RSRC1: variants seen among roughly 807,000 people sequenced by gnomAD.
RSRC1 encodes arginine and serine rich coiled-coil 1.
In RSRC1, 39 loss-of-function variants were observed where a neutral mutation model predicts 49.1. That is an observed-to-expected ratio of 0.79 (90% confidence interval 0.61 to 1.04). The LOEUF (loss-of-function observed/expected upper bound fraction) is 1.04, where lower values mean the gene tolerates loss of function less well. Ranked by LOEUF, RSRC1 falls within the 50% of genes least tolerant of loss-of-function variation. The pLI, the probability that RSRC1 is intolerant of heterozygous loss-of-function variation, is 0.00. For missense variants in RSRC1, 388 were observed against 402.4 expected (o/e 0.96, Z 0.31); for synonymous variants, 143 against 130.8 (o/e 1.09, Z -0.63).
intron 4 of RSRC1, among the ~76,000 whole-genome samples, chr3:158,229,386 GTA>G (rs1382456752): frequency 2.3e-5 from 2 of 85,886 alleles, no homozygotes; most frequent in Admixed American, 1.1e-4. Flanking sequence ...GTATGTATGT[GTA>G]TATATATACA....
At chr3:158,337,346 A>C (rs1428724476) in intron 5 of RSRC1, among the ~76,000 whole-genome samples, 1 of 152,202 alleles carries the variant, frequency 6.6e-6, no homozygotes, top group African/African-American at 2.4e-5. Flanking sequence ...GTCCCACATC[A>C]GCATTTTAAT....
At chr3:158,283,144 A>G (rs1726278100) in intron 4 of RSRC1, among the ~76,000 whole-genome samples, 1 of 151,998 alleles carries the variant, frequency 6.6e-6, no homozygotes, top group African/African-American at 2.4e-5. Flanking sequence ...TATAAGGGTG[A>G]AAAAAAATGT....
intron 5 of RSRC1, among the ~76,000 whole-genome samples, chr3:158,333,533 T>G (rs188248012): frequency 3.3e-5 from 5 of 152,356 alleles, no homozygotes; most frequent in Non-Finnish European, 7.3e-5. Flanking sequence ...TTAGTGTGTA[T>G]TTTGAACACA....
chr3:158,325,464 A>G (rs1419779510), intron 5 of RSRC1, among the ~76,000 whole-genome samples: 2 of 152,212 alleles, frequency 1.3e-5, no homozygotes, highest in Non-Finnish European at 2.9e-5. Context: ...CAGTTTTCCC[A>G]GAACCATTTA....
chr3:158,367,306 T>G (rs1731821246), intron 6 of RSRC1, among the ~76,000 whole-genome samples: 2 of 152,218 alleles, frequency 1.3e-5, no homozygotes, highest in Admixed American at 1.3e-4. Context: ...TTGAGATACA[T>G]TCCATCAACA....
At chr3:158,461,617 G>T (rs1187454815) in intron 7 of RSRC1, among the ~76,000 whole-genome samples, 1 of 151,704 alleles carries the variant, frequency 6.6e-6, no homozygotes, top group East Asian at 1.9e-4. Context: ...CTTCACGGGG[G>T]ATTATATACA....
At chr3:158,253,092 A>C (rs1276306266) in intron 4 of RSRC1, among the ~76,000 whole-genome samples, 1 of 150,894 alleles carries the variant, frequency 6.6e-6, no homozygotes, top group Non-Finnish European at 1.5e-5. Flanking sequence ...TTTCTTCTCT[A>C]ATCTTATTTC....
At chr3:158,345,735 T>A (rs753571497) in intron 5 of RSRC1, among the ~76,000 whole-genome samples, 1 of 150,824 alleles carries the variant, frequency 6.6e-6, no homozygotes, top group African/African-American at 2.4e-5. Context: ...TGGATCATAA[T>A]TAGAGTCTAG....
chr3:158,257,587 A>T (rs1302092079), intron 4 of RSRC1, among the ~76,000 whole-genome samples: 4 of 151,980 alleles, frequency 2.6e-5, no homozygotes, highest in Admixed American at 1.3e-4. Flanking sequence ...TTTTCTATCC[A>T]TTCAGGCACT....
chr3:158,336,435 C>A, intron 5 of RSRC1: 1 of 155,362 alleles, frequency 6.4e-6, no homozygotes. Context: ...TCTTTGACCC[C>A]CAGCTCCAGA....
intron 3 of RSRC1, among the ~76,000 whole-genome samples, chr3:158,139,047 A>C (rs1240973304): frequency 1.3e-5 from 2 of 152,144 alleles, no homozygotes; most frequent in African/African-American, 2.4e-5. Flanking sequence ...TTTTCTAAAA[A>C]CACTGCTTAA....
At chr3:158,442,834 G>A (rs1736458071) in intron 6 of RSRC1, among the ~76,000 whole-genome samples, 1 of 152,014 alleles carries the variant, frequency 6.6e-6, no homozygotes, top group Non-Finnish European at 1.5e-5. Context: ...AGTAAGACTT[G>A]GAAGTCAATT....
At chr3:158,312,803 CT>C (rs1270981204) in intron 5 of RSRC1, among the ~76,000 whole-genome samples, 1 of 152,126 alleles carries the variant, frequency 6.6e-6, no homozygotes, top group African/African-American at 2.4e-5. Flanking sequence ...CCTCTCCACC[CT>C]TTATTGCCAC....
Position 158,450,033 on chromosome 3 carries a change from C to G in RSRC1, c.584-10902C>G, listed in dbSNP as rs532387458. Among the ~76,000 whole-genome samples, 3 of 152,092 alleles carry G rather than the reference C, an allele frequency of 2.0e-5. No homozygotes were observed. The South Asian group carries it at 6.2e-4, about 31-fold the overall frequency. Reference sequence around the variant, plus strand: ...CTAGATGTCTTCCCTGACCATATTCCTTTCCTTAATTGCTTTCAGAATACC... The same window carrying G: ...CTAGATGTCTTCCCTGACCATATTCGTTTCCTTAATTGCTTTCAGAATACC... On this transcript the variant is annotated intron_variant, in intron 6 of 9. Coordinates refer to ENST00000611884, the MANE Select transcript of RSRC1 (RefSeq NM_001271838.2).
In RSRC1 at chr3:158,537,180, A is replaced by T. The variant is rs755533169; in HGVS notation, c.741A>T (p.Ser247=). 3 of 1,585,290 alleles carry T rather than the reference A, an allele frequency of 1.9e-6. No homozygotes were observed. Among genetic ancestry groups the T allele is most frequent in the Non-Finnish European group, 2.6e-6 (3 of 1,168,054 alleles). The stretch of plus-strand genomic sequence containing the variant: ...CTTTTGTTCAGCAGACATTCAGATC[A>T]AGTAAAGAAGTCAAAAAGGTAAGTT... ...SDSFVQQTFR[S]SKEVKKSVEP... is the part of the protein sequence containing the mutation. The change falls in exon 8 of 10, where the codon TCA becomes TCT. Residue 247 remains serine (S), a synonymous_variant. Transcript: ENST00000611884.
chr3:158,342,308 C>G (rs1730292155), intron 5 of RSRC1, among the ~76,000 whole-genome samples: 1 of 152,164 alleles, frequency 6.6e-6, no homozygotes, highest in African/African-American at 2.4e-5. Context: ...TTCCAGAATT[C>G]CCACATGTTG....
chr3:158,417,871 A>G (rs186093724), intron 6 of RSRC1, among the ~76,000 whole-genome samples: 105 of 151,898 alleles, frequency 6.9e-4, no homozygotes, highest in Non-Finnish European at 1.3e-3. Flanking sequence ...GGAAAAATAT[A>G]CATTAATTAG....
chr3:158,206,488 T>C (rs1474902189), intron 4 of RSRC1, among the ~76,000 whole-genome samples: 1 of 151,966 alleles, frequency 6.6e-6, no homozygotes, highest in East Asian at 1.9e-4. Flanking sequence ...GAGAGATGAT[T>C]ATGAGAGGGC....
At chr3:158,195,141 A>C (rs1426763882) in intron 3 of RSRC1, among the ~76,000 whole-genome samples, 3 of 152,186 alleles carry the variant, frequency 2.0e-5, no homozygotes, top group Admixed American at 2.0e-4. Flanking sequence ...CTGTTTCTCC[A>C]CATCCTCTCC....
Sources: allele counts gnomAD v4.1 joint callset (sites outside exome capture counted in the v4.1 genomes callset), GRCh38; gene constraint gnomAD v4.1.1; transcripts MANE v1.5; gene names NCBI Gene and HGNC (gene_info 2026-07-23, HGNC 2026-07-21).